DNAJC27: variants seen among roughly 807,000 people sequenced by gnomAD.
DNAJC27 encodes DnaJ heat shock protein family (Hsp40) member C27.
A neutral mutation model predicts 31.4 loss-of-function variants in DNAJC27; 25 were observed. The observed-to-expected ratio is 0.80, with a 90% confidence interval of 0.58 to 1.11. The LOEUF is 1.11. Ranked by LOEUF, DNAJC27 falls within the 50% of genes most tolerant of loss-of-function variation. The pLI is 0.00. For missense variants in DNAJC27, 356 were observed against 347.3 expected, an observed-to-expected ratio of 1.02 and a Z score of -0.20; for synonymous variants, 106 against 112.7, an observed-to-expected ratio of 0.94 and a Z score of 0.37.
In DNAJC27 at chr2:24,969,584, T is replaced by C. The variant is rs10166115; in HGVS notation, c.87+2234A>G. On this transcript the variant is annotated intron_variant, in intron 1 of 6. Transcript: ENST00000264711. ...CCTCCACCTCCCAGGTTCAAGGCAA[T>C]TCTCCTGCCTCAGCTTCCTGAGTAG... is the stretch of plus-strand genomic sequence containing the variant. 7.9e-3 allele frequency: 1,221 copies of C among 154,068 alleles called. 13 individuals carry two copies. Among genetic ancestry groups the C allele is most frequent in the African/African-American group, 0.028 (1,182 of 41,568 alleles). The allele number at this position is 154,068 out of a possible 1,614,324, so 9.5% of individuals were successfully genotyped here.
intron 5 of DNAJC27, among the ~76,000 whole-genome samples, chr2:24,954,715 A>G (rs1030351790): frequency 4.6e-5 from 7 of 152,232 alleles, no homozygotes; most frequent in Non-Finnish European, 7.4e-5. Context: ...AGGCGGGCGG[A>G]TCACGAGATC....
In DNAJC27 at chr2:24,947,720, G is replaced by A; in HGVS notation, c.718C>T (p.Leu240Phe). Residue 240 changes from leucine to phenylalanine, a missense_variant, in exon 7 of 7, where the codon CTT (leucine) becomes TTT (phenylalanine). By Grantham distance (22) the Leu-to-Phe change is conservative. Coordinates refer to ENST00000264711, the MANE Select transcript of DNAJC27 (RefSeq NM_016544.3). Reference protein sequence around the residue: ...RDEVNKAYRKLAVLLHPDKCV... With the variant: ...RDEVNKAYRKFAVLLHPDKCV... ...TTGTCAGGGTGAAGAAGCACAGCAA[G>A]TTTCCGATACGCTTTATTGACTTCA... 5.0e-6 allele frequency: 8 copies of A among 1,613,608 alleles called. No homozygotes were observed. The highest frequency in any genetic ancestry group is 2.2e-5 in the East Asian group (1 of 44,878).
chr2:24,963,654 T>C (rs568213260), intron 2 of DNAJC27, among the ~76,000 whole-genome samples, 180 bp from the exon 3 acceptor site: 1 of 152,352 alleles, frequency 6.6e-6, no homozygotes, highest in Admixed American at 6.5e-5. Flanking sequence ...GATCCTGCCT[T>C]CTTATCCCAA....
At chr2:24,959,943 T>G (rs1288920980) in intron 3 of DNAJC27, among the ~76,000 whole-genome samples, 1 of 152,192 alleles carries the variant, frequency 6.6e-6, no homozygotes, top group Non-Finnish European at 1.5e-5. Flanking sequence ...TCTTCATGTA[T>G]CCTCCCTTGT....
rs534065575 is a variant in DNAJC27 at position 24,950,018 on chromosome 2, GA to G, written c.689+1375del. ...AGATCCTTAATAGTCAAATAATCTT[GA>G]AAAAAAATAGGAAGACTCACATTTT... On this transcript the variant is annotated intron_variant, in intron 6 of 6. Coordinates refer to ENST00000264711, the MANE Select transcript of DNAJC27 (RefSeq NM_016544.3). Among the ~76,000 whole-genome samples, 528 of 126,748 alleles carry G rather than the reference GA, an allele frequency of 4.2e-3. 3 individuals carry two copies. Among genetic ancestry groups the G allele is most frequent in the Non-Finnish European group, 7.3e-3 (443 of 60,686 alleles). 83.2% of individuals were successfully genotyped at this position (126,748 alleles called of 152,430 possible).
rs1323309628 is a variant in DNAJC27 at position 24,946,537 on chromosome 2, C to T, written c.*1079G>A. The T allele has an allele frequency of 2.0e-5, 3 of 152,272 alleles. No homozygotes were observed. The highest frequency in any genetic ancestry group is 4.4e-5 in the Non-Finnish European group (3 of 68,076). The allele number at this position is 152,272 out of a possible 1,614,324, so 9.4% of individuals were successfully genotyped here. A position where few individuals can be genotyped will look rare whatever the true frequency, so the allele number is the denominator to read the frequency against. On this transcript the variant is annotated 3_prime_UTR_variant, in exon 7 of 7. Transcript: ENST00000264711. ...TGAGGAGTGGCCCTGCCTTTCTCAC[C>T]TGCCTGTGGCAAAGGCTGGCAGTAA...
At chr2:24,950,342 T>A (rs1011252206) in intron 6 of DNAJC27, among the ~76,000 whole-genome samples, 1 of 152,110 alleles carries the variant, frequency 6.6e-6, no homozygotes, top group Admixed American at 6.5e-5. Context: ...TTTGTGAGAA[T>A]CAAGGTGAAA....
intron 5 of DNAJC27, among the ~76,000 whole-genome samples, chr2:24,952,868 C>T (rs1482468250): frequency 6.6e-6 from 1 of 152,102 alleles, no homozygotes; most frequent in Non-Finnish European, 1.5e-5. Flanking sequence ...TTTCCAAATG[C>T]TTATGGCCTT....
upstream of DNAJC27, chr2:24,972,052 A>T (rs959423354): frequency 5.1e-6 from 3 of 583,156 alleles, no homozygotes; most frequent in Non-Finnish European, 8.4e-6. Flanking sequence ...GCCTGGCAGC[A>T]GGCGCGGGCG....
chr2:24,955,874 C>T (rs1284336297), intron 5 of DNAJC27, among the ~76,000 whole-genome samples: 4 of 152,162 alleles, frequency 2.6e-5, no homozygotes, highest in African/African-American at 9.7e-5. Context: ...GAAATGATAA[C>T]AATACTTGCC....
intron 5 of DNAJC27, among the ~76,000 whole-genome samples, chr2:24,952,954 A>G (rs528010984): frequency 2.0e-5 from 3 of 151,602 alleles, no homozygotes; most frequent in Middle Eastern, 3.4e-3. Flanking sequence ...GGGTCTCTCT[A>G]TGTTGGCCAG....
rs1456178299 is a variant in DNAJC27, at chr2:24,951,542, A to G, written c.541T>C (p.Ser181Pro). Residue 181 changes from serine to proline, a missense_variant, in exon 6 of 7, where the codon TCC (serine) becomes CCC (proline). Transcript: ENST00000264711. ...CCATTTTCACATAAATCAACTATGG[A>G]TATATAAAAGGTCTACAAGAAGAAA... Reference protein sequence around the residue: ...INEMFQTFYISIVDLCENGGK... With the variant: ...INEMFQTFYIPIVDLCENGGK... 1.2e-6 allele frequency: 2 copies of G among 1,612,530 alleles called. No homozygotes were observed. The highest frequency in any genetic ancestry group is 1.1e-5 in the South Asian group (1 of 90,558).
chr2:24,950,948 C>T (rs780382348), intron 6 of DNAJC27, among the ~76,000 whole-genome samples: 64 of 152,144 alleles, frequency 4.2e-4, no homozygotes, highest in Non-Finnish European at 5.4e-4. Flanking sequence ...ATACAGTGTT[C>T]CAGGGTAAGA....
At chr2:24,950,910 T>G (rs1665759199) in intron 6 of DNAJC27, among the ~76,000 whole-genome samples, 1 of 151,940 alleles carries the variant, frequency 6.6e-6, no homozygotes, top group African/African-American at 2.4e-5. Context: ...TTGCAGGGCT[T>G]TAGAGACAAA....
chr2:24,961,963 T>C (rs942285266), intron 3 of DNAJC27, among the ~76,000 whole-genome samples: 6 of 152,320 alleles, frequency 3.9e-5, no homozygotes, highest in African/African-American at 1.4e-4. Context: ...AGTTCTAATG[T>C]GGGTGAAAAT....
In DNAJC27 at chr2:24,965,711, A is replaced by G. The variant is rs114251625; in HGVS notation, c.170+1500T>C. 5.5e-3 allele frequency among the ~76,000 whole-genome samples: 836 copies of G among 152,338 alleles called. 4 individuals are homozygous for G. Among genetic ancestry groups the G allele is most frequent in the South Asian group, 0.013 (65 of 4,828 alleles). On this transcript the variant is annotated intron_variant, in intron 2 of 6. Transcript: ENST00000264711. ...ACACACAACTCTTGAGTTTTACTCT[A>G]CCATTTACTGGGGCCACTTTAAAAA...
intron 5 of DNAJC27, chr2:24,953,651 C>T: frequency 2.5e-6 from 1 of 397,546 alleles, no homozygotes; most frequent in Middle Eastern, 1.2e-3. Flanking sequence ...AAGATAAAAG[C>T]CACATAAAAG....
At chr2:24,965,104 G>A (rs528697215) in intron 2 of DNAJC27, among the ~76,000 whole-genome samples, 148 of 151,892 alleles carry the variant, frequency 9.7e-4, no homozygotes, top group African/African-American at 3.5e-3. Context: ...TACTTGGGAG[G>A]CTGAGGCAGG....
chr2:24,963,500 C>T (rs980886471), intron 2 of DNAJC27, 26 bp from the exon 3 acceptor site: 44 of 1,581,554 alleles, frequency 2.8e-5, no homozygotes, highest in East Asian at 1.6e-4. Flanking sequence ...GGAAACAATC[C>T]GAAAGAAAGT....
Sources: gnomAD v4.1 joint callset for allele counts (sites outside exome capture counted in the v4.1 genomes callset) on GRCh38, gnomAD v4.1.1 for gene constraint, MANE v1.5 for transcripts, NCBI Gene and HGNC (gene_info 2026-07-23, HGNC 2026-07-21) for gene names.